Variants in PRDM16 observed in about 807,000 individuals in gnomAD.
PRDM16 encodes histone-lysine N-methyltransferase PRDM16.
In PRDM16, 23 loss-of-function variants were observed where a neutral mutation model predicts 110.6. The observed-to-expected ratio is 0.21, with a 90% CI of 0.15 to 0.29. PRDM16 has a LOEUF of 0.29. Ranked by LOEUF, PRDM16 falls within the 10% of genes least tolerant of loss-of-function variation. The probability of loss-of-function intolerance (pLI) is 1.00; values close to 1 mark genes in which losing one functional copy is unlikely to be tolerated. For missense variants in PRDM16, 1,615 were observed against 1,794.3 expected (o/e 0.90, Z 1.81); for synonymous variants, 799 against 781.8 (o/e 1.02, Z -0.37).
chr1:3,304,590 T>C (rs949411958), intron 3 of PRDM16, among the ~76,000 whole-genome samples: 55 of 152,212 alleles, frequency 3.6e-4, no homozygotes, highest in African/African-American at 1.3e-3. Context: ...CTCAACTGCA[T>C]GTCCACACGA....
At chr1:3,341,080 C>A (rs1460053943) in intron 3 of PRDM16, among the ~76,000 whole-genome samples, 1 of 144,172 alleles carries the variant, frequency 6.9e-6, no homozygotes, top group East Asian at 1.9e-4. Flanking sequence ...GCCCTCGTTT[C>A]TCCCCCTCTG....
At chr1:3,115,595 C>A (rs74050106) in intron 1 of PRDM16, among the ~76,000 whole-genome samples, 2 of 152,234 alleles carry the variant, frequency 1.3e-5, no homozygotes, top group Non-Finnish European at 2.9e-5. Context: ...CGGCCTCCGC[C>A]GTAAGCCTGA....
At chr1:3,110,949 G>T (rs1322444490) in intron 1 of PRDM16, among the ~76,000 whole-genome samples, 3 of 152,206 alleles carry the variant, frequency 2.0e-5, no homozygotes, top group Non-Finnish European at 4.4e-5. Flanking sequence ...GGAGGCCAGA[G>T]ATTGCCCGGT....
chr1:3,189,187 C>T (rs1157273811), intron 2 of PRDM16, among the ~76,000 whole-genome samples: 2 of 152,224 alleles, frequency 1.3e-5, no homozygotes, highest in African/African-American at 4.8e-5. Context: ...GCTGGGATCC[C>T]TCTGTAGTTC....
intron 1 of PRDM16, among the ~76,000 whole-genome samples, chr1:3,121,104 G>A (rs1488842473): frequency 6.6e-6 from 1 of 152,148 alleles, no homozygotes; most frequent in Non-Finnish European, 1.5e-5. Flanking sequence ...CTTGGAGGCA[G>A]GGCTGAGGAG....
chr1:3,398,796 G>A (rs956537050), intron 5 of PRDM16, among the ~76,000 whole-genome samples: 2 of 152,220 alleles, frequency 1.3e-5, no homozygotes, highest in African/African-American at 2.4e-5. Context: ...GCTGTACCGC[G>A]GCCCACGCAC....
At chr1:3,301,345 A>G (rs995652321) in intron 3 of PRDM16, among the ~76,000 whole-genome samples, 5 of 141,714 alleles carry the variant, frequency 3.5e-5, no homozygotes, top group Non-Finnish European at 7.8e-5. Flanking sequence ...AAAAAAAAAA[A>G]AAAAGAAAAA....
At chr1:3,351,623 T>TTTC in intron 3 of PRDM16, among the ~76,000 whole-genome samples, 1 of 58,568 alleles carries the variant, frequency 1.7e-5, no homozygotes, top group Admixed American at 1.6e-4. Context: ...CCCCTCCCTC[T>TTTC]CTCCCCCTCC....
chr1:3,260,915 C>T (rs1364253112), intron 3 of PRDM16, among the ~76,000 whole-genome samples: 1 of 149,506 alleles, frequency 6.7e-6, no homozygotes, highest in African/African-American at 2.5e-5. Flanking sequence ...ATCAAGGGAC[C>T]AGAAGACCCC....
intron 1 of PRDM16, among the ~76,000 whole-genome samples, chr1:3,073,336 G>A (rs1423886354): frequency 6.6e-6 from 1 of 152,234 alleles, no homozygotes; most frequent in Admixed American, 6.5e-5. Flanking sequence ...TGGGGGGCTT[G>A]GGCTGGTAAT....
chr1:3,400,827 G>T (rs1456587741), intron 5 of PRDM16, among the ~76,000 whole-genome samples: 1 of 152,166 alleles, frequency 6.6e-6, no homozygotes, highest in East Asian at 1.9e-4. Flanking sequence ...CAGCAGTGGT[G>T]CCTGCCCACT....
rs755737799 is a variant in PRDM16, at chr1:3,411,868, C to G, written c.1671C>G (p.Pro557=). ...LPSPLGNPAL[P]LVSAVSNSSQ... ...GTCCCCTGGGGAACCCAGCCCTGCCCCTGGTCTCCGCCGTCAGCAACAGCA... is the reference window on the plus strand; with the variant it reads ...GTCCCCTGGGGAACCCAGCCCTGCCGCTGGTCTCCGCCGTCAGCAACAGCA... The change falls in exon 9 of 17, where the codon CCC becomes CCG. Residue 557 remains proline (P), a synonymous_variant. Transcript: ENST00000270722. The G allele has an allele frequency of 3.7e-6, 6 of 1,612,434 alleles. No homozygotes were observed. Among genetic ancestry groups the G allele is most frequent in the African/African-American group, 2.7e-5 (2 of 74,894 alleles).
At chr1:3,310,315 C>A (rs915672709) in intron 3 of PRDM16, among the ~76,000 whole-genome samples, 1 of 152,206 alleles carries the variant, frequency 6.6e-6, no homozygotes, top group Non-Finnish European at 1.5e-5. Context: ...CCTCCCTCAG[C>A]CTTGGGAGTC....
rs1385101786 is a variant in PRDM16, at chr1:3,190,608, T to G, written c.387+4134T>G. On this transcript the variant is annotated intron_variant, in intron 2 of 16. Coordinates refer to ENST00000270722, the MANE Select transcript of PRDM16 (RefSeq NM_022114.4). This position sits in a 1 kb window ranked among gnomAD's most constrained non-coding sequence, Gnocchi z 5.0. ...CCAGGGGTGTGTGGAAACGGCCCCC[T>G]GGGCTTCATCTCAGGGAGGGGGCTT... Among the ~76,000 whole-genome samples the G allele has an allele frequency of 6.6e-6, 1 of 152,054 alleles. No individual in the cohort carries two copies. The highest frequency in any genetic ancestry group is 1.5e-5 in the Non-Finnish European group (1 of 67,994).
intron 3 of PRDM16, among the ~76,000 whole-genome samples, chr1:3,317,713 G>A (rs903593583): frequency 7.9e-5 from 12 of 152,230 alleles, no homozygotes; most frequent in Non-Finnish European, 1.5e-4. Flanking sequence ...GCCCCAGCCC[G>A]GAGCCTGCCC....
At chr1:3,375,469 A>C (rs1327180847) in intron 3 of PRDM16, among the ~76,000 whole-genome samples, 1 of 152,256 alleles carries the variant, frequency 6.6e-6, no homozygotes, top group Non-Finnish European at 1.5e-5. Context: ...CCCATGGCTC[A>C]CAAGCCAAAC....
chr1:3,321,801 CGT>C (rs897686247), intron 3 of PRDM16, among the ~76,000 whole-genome samples: 4 of 133,416 alleles, frequency 3.0e-5, no homozygotes, highest in African/African-American at 5.7e-5. Flanking sequence ...AGTGTGCGTG[CGT>C]GTGTGTAGGT....
At chr1:3,083,605 G>A (rs563935754) in intron 1 of PRDM16, among the ~76,000 whole-genome samples, 91 of 145,618 alleles carry the variant, frequency 6.2e-4, no homozygotes, top group African/African-American at 1.9e-3. Flanking sequence ...CAGGGGAGGC[G>A]GGTGTCAGCT....
rs1290890500 is a variant in PRDM16, at chr1:3,358,413, G to A, written c.439-26739G>A. ...ATGGGGACTGATGGCAAAAGACCTC[G>A]GCGGGTACAGAAAATCTCCCACAGT... On this transcript the variant is annotated intron_variant, in intron 3 of 16. Transcript: ENST00000270722. The surrounding 1 kb of genome is among the most constrained non-coding windows in gnomAD (Gnocchi z 4.0). Among the ~76,000 whole-genome samples the A allele has an allele frequency of 1.3e-5, 2 of 152,166 alleles. No individual in the cohort carries two copies. The highest frequency in any genetic ancestry group is 4.8e-5 in the African/African-American group (2 of 41,418).
Sources: gnomAD v4.1 joint callset for allele counts (sites outside exome capture counted in the v4.1 genomes callset) on GRCh38, gnomAD v4.1.1 for gene constraint, Gnocchi (gnomAD v3.1) non-coding constraint, MANE v1.5 for transcripts, NCBI Gene and HGNC (gene_info 2026-07-23, HGNC 2026-07-21) for gene names.